The following HMMR variants were observed in gnomAD, a reference collection of about 807,000 sequenced individuals.
HMMR encodes the protein intracellular hyaluronic acid-binding protein.
A neutral mutation model predicts 101.0 loss-of-function variants in HMMR; 108 were observed. The observed-to-expected ratio is 1.07, with a 90% CI of 0.92 to 1.25. HMMR has a LOEUF of 1.25. HMMR is among the 50% of genes most tolerant of loss of function. The pLI is 0.00. For missense variants in HMMR, 813 were observed against 788.7 expected (o/e 1.03, Z -0.37); for synonymous variants, 296 against 276.4 (o/e 1.07, Z -0.70).
intron 4 of HMMR, among the ~76,000 whole-genome samples, chr5:163,469,205 A>G (rs991806628): frequency 6.6e-6 from 1 of 151,528 alleles, no homozygotes; most frequent in African/African-American, 2.4e-5. Context: ...TCTATTAAAA[A>G]TACAAAAAAT....
chr5:163,479,097 G>A (rs1296802935), intron 12 of HMMR, among the ~76,000 whole-genome samples: 1 of 152,166 alleles, frequency 6.6e-6, no homozygotes, highest in Non-Finnish European at 1.5e-5. Flanking sequence ...GCTGAGGTGG[G>A]AGGATCAAGT....
intron 9 of HMMR, 28 bp from the exon 10 acceptor site, chr5:163,474,029 A>G: frequency 1.9e-6 from 3 of 1,582,654 alleles, no homozygotes; most frequent in Non-Finnish European, 2.6e-6. Context: ...ATCTAATTCC[A>G]GTATTCTTGA....
chr5:163,463,838 GT>G lies in HMMR; in HGVS notation c.47-14del. ...AAGTAACATTAGATAATATATTAAT[GT>G]TTTCTATTTCCTCTAGGTTGTGCAC... On this transcript the variant is annotated splice_polypyrimidine_tract_variant and intron_variant, in intron 1 of 17. Transcript: ENST00000393915. 2 of 1,082,510 alleles carry G rather than the reference GT, an allele frequency of 1.8e-6. No individual in the cohort carries two copies. The highest frequency in any genetic ancestry group is 2.6e-6 in the Non-Finnish European group (2 of 775,702). The allele number at this position is 1,082,510 out of a possible 1,614,324, so 67.1% of individuals were successfully genotyped here. A position where few individuals can be genotyped will look rare whatever the true frequency, so the allele number is the denominator to read the frequency against.
At chr5:163,473,822 T>C (rs1184254612) in intron 9 of HMMR, among the ~76,000 whole-genome samples, 1 of 152,040 alleles carries the variant, frequency 6.6e-6, no homozygotes, top group Non-Finnish European at 1.5e-5. Context: ...TTCTTGACTT[T>C]TCCACTAGGT....
chr5:163,467,289 A>T (rs1232839144), intron 3 of HMMR, among the ~76,000 whole-genome samples: 1 of 152,190 alleles, frequency 6.6e-6, no homozygotes, highest in African/African-American at 2.4e-5. Flanking sequence ...TTCAGTTTTT[A>T]TTTCTTTGCA....
intron 16 of HMMR, among the ~76,000 whole-genome samples, chr5:163,485,486 A>G (rs746990517): frequency 3.3e-5 from 5 of 152,194 alleles, no homozygotes; most frequent in Admixed American, 1.3e-4. Context: ...CATGAAAGAA[A>G]TGTCTGTTTA....
intron 1 of HMMR, among the ~76,000 whole-genome samples, chr5:163,463,510 T>C (rs1406712133): frequency 6.6e-6 from 1 of 152,248 alleles, no homozygotes; most frequent in Non-Finnish European, 1.5e-5. Context: ...ATAGTAGTTA[T>C]CTTTGTGACT....
intron 4 of HMMR, among the ~76,000 whole-genome samples, chr5:163,468,525 T>C (rs1758770926): frequency 6.6e-6 from 1 of 152,262 alleles, no homozygotes; most frequent in South Asian, 2.1e-4. Flanking sequence ...TCTTTCAATA[T>C]ATTAAAATCT....
intron 12 of HMMR, among the ~76,000 whole-genome samples, chr5:163,480,739 A>G (rs1465385119): frequency 6.6e-6 from 1 of 152,106 alleles, no homozygotes; most frequent in Non-Finnish European, 1.5e-5. Context: ...TATTGTGGAT[A>G]ATTCATCTTT....
intron 16 of HMMR, chr5:163,489,267 G>A (rs568308664): frequency 1.3e-5 from 2 of 152,416 alleles, no homozygotes; most frequent in African/African-American, 4.8e-5. Context: ...CTCTGCAGCC[G>A]GGTTCCTAAC....
At chr5:163,488,717 C>T (rs1262206346) in intron 16 of HMMR, among the ~76,000 whole-genome samples, 1 of 152,180 alleles carries the variant, frequency 6.6e-6, no homozygotes, top group Non-Finnish European at 1.5e-5. Context: ...GATGCTGGCT[C>T]CTTGCTTGAT....
rs772989811 is a variant in HMMR at position 163,490,494 on chromosome 5, A to G, written c.2067A>G (p.Ser689=). 6.2e-7 allele frequency: 1 copy of G among 1,605,090 alleles called. No homozygotes were observed. Among genetic ancestry groups the G allele is most frequent in the Admixed American group, 1.7e-5 (1 of 57,352 alleles). ...KVLGIKHFDP[S]KAFHHESKEN... ...TAGGTATCAAACACTTTGATCCTTC[A>G]AAGGCTTTTCATCATGAAAGTAAAG... Residue 689 remains serine, a synonymous_variant, in exon 17 of 18, where the codon TCA becomes TCG. Transcript: ENST00000393915.
chr5:163,476,870 A>C (rs973907349), intron 11 of HMMR, among the ~76,000 whole-genome samples: 3 of 152,242 alleles, frequency 2.0e-5, no homozygotes, highest in South Asian at 2.1e-4. Flanking sequence ...TCTACTAAAA[A>C]TACATAGTAA....
chr5:163,478,666 A>G lies in HMMR; in HGVS notation c.1269-18A>G, dbSNP rs373559402. 2.0e-6 allele frequency: 3 copies of G among 1,467,252 alleles called. No homozygotes were observed. Among genetic ancestry groups the G allele is most frequent in the Admixed American group, 1.7e-5 (1 of 59,528 alleles). 90.9% of individuals were successfully genotyped at this position (1,467,252 alleles called of 1,614,324 possible). ...ATTGTAGGTGGCATTTTATCTTTCAATTATTTCTTTTTCTTAGGAAGGAGG... is the reference window on the plus strand; with the variant it reads ...ATTGTAGGTGGCATTTTATCTTTCAGTTATTTCTTTTTCTTAGGAAGGAGG... On this transcript the variant is annotated intron_variant, in intron 11 of 17. Coordinates refer to ENST00000393915, the MANE Select transcript of HMMR (RefSeq NM_001142556.2).
At chr5:163,483,988 T>G (rs1759374802) in intron 15 of HMMR, 81 bp from the exon 16 acceptor site, 1 of 755,906 alleles carries the variant, frequency 1.3e-6, no homozygotes, top group South Asian at 1.8e-5. Context: ...TTTTTAATTT[T>G]CTTTAGTGTT....
chr5:163,469,562 T>A (rs1226230349), intron 4 of HMMR, 79 bp from the exon 5 acceptor site: 2 of 1,165,886 alleles, frequency 1.7e-6, no homozygotes, highest in Non-Finnish European at 2.5e-6. Flanking sequence ...CCAGAAACTT[T>A]AGGGGTGATT....
At chr5:163,472,669 G>A (rs1758935910) in intron 7 of HMMR, among the ~76,000 whole-genome samples, 1 of 152,056 alleles carries the variant, frequency 6.6e-6, no homozygotes, top group South Asian at 2.1e-4. Flanking sequence ...ATTTTAATTT[G>A]TTACCATGAA....
Position 163,464,814 on chromosome 5 carries a change from T to G in HMMR, c.225+12T>G, listed in dbSNP as rs747809858. On this transcript the variant is annotated intron_variant, in intron 3 of 17. Transcript: ENST00000393915. ...CTTCGGAATCAAAGGTGAGGAGCTT[T>G]TATATGCCAGCTGGTTTATCAAGTG... The G allele has an allele frequency of 4.1e-5, 63 of 1,545,242 alleles. No individual in the cohort carries two copies. Among genetic ancestry groups the G allele is most frequent in the Non-Finnish European group, 5.2e-5 (58 of 1,118,202 alleles).
chr5:163,465,676 G>A (rs1217757972), intron 3 of HMMR, among the ~76,000 whole-genome samples: 2 of 152,132 alleles, frequency 1.3e-5, no homozygotes, highest in South Asian at 2.1e-4. Context: ...AAAGACAGCT[G>A]GGGGGCGCAC....
Sources: gnomAD v4.1 joint callset for allele counts (sites outside exome capture counted in the v4.1 genomes callset) on GRCh38, gnomAD v4.1.1 for gene constraint, MANE v1.5 for transcripts, NCBI Gene and HGNC (gene_info 2026-07-23, HGNC 2026-07-21) for gene names.